Variants in CLCN7 observed in about 807,000 individuals in gnomAD.
The protein encoded by CLCN7 is Cl-/H+ antiporter 7.
CLCN7 carries 60 observed loss-of-function variants against 102.1 expected under a neutral mutation model. The observed-to-expected ratio is 0.59, with a 90% CI of 0.48 to 0.73. The LOEUF (loss-of-function observed/expected upper bound fraction) is 0.73, where lower values mean the gene tolerates loss of function less well. Ranked by LOEUF, CLCN7 falls within the 30% of genes least tolerant of loss-of-function variation. The pLI is 0.00. For synonymous variants in CLCN7, 560 were observed against 490.5 expected (o/e 1.14, Z -1.87); for missense variants, 962 against 1,125.7 (o/e 0.85, Z 2.08).
At chr16:1,468,650 G>A (rs1486979206) in intron 1 of CLCN7, among the ~76,000 whole-genome samples, 2 of 152,082 alleles carry the variant, frequency 1.3e-5, no homozygotes, top group Non-Finnish European at 2.9e-5. Flanking sequence ...CCCGAGAGGC[G>A]AGACTCGGGC....
intron 1 of CLCN7, among the ~76,000 whole-genome samples, chr16:1,468,151 G>A (rs146943549): frequency 6.6e-6 from 1 of 151,878 alleles, no homozygotes; most frequent in Non-Finnish European, 1.5e-5. Flanking sequence ...CGCCAGGCCT[G>A]GGAGGCCTTG....
At chr16:1,450,444 C>G in intron 17 of CLCN7, 53 bp downstream of exon 17, 1 of 1,529,014 alleles carries the variant, frequency 6.5e-7, no homozygotes, top group Non-Finnish European at 8.9e-7. Context: ...CGCGATGCCG[C>G]AAGACCTGGC....
At chr16:1,455,383 G>C in intron 11 of CLCN7, 133 bp from the exon 12 acceptor site, 3 of 764,484 alleles carry the variant, frequency 3.9e-6, no homozygotes, top group Non-Finnish European at 7.1e-6. Context: ...AAGGCAGAAG[G>C]GAAGGGGCTG....
intron 15 of CLCN7, 33 bp from the exon 16 acceptor site, chr16:1,451,749 G>A (rs753288093): frequency 6.4e-7 from 1 of 1,572,720 alleles, no homozygotes; most frequent in Non-Finnish European, 8.7e-7. Context: ...ACGTTGGGAG[G>A]GGAGATGAGC....
chr16:1,474,910 G>A lies in CLCN7; in HGVS notation c.65C>T (p.Pro22Leu), dbSNP rs1489757147. Residue 22 changes from proline (P) to leucine (L), a missense_variant, in exon 1 of 25, where the codon CCG becomes CTG. Pro to Leu is a moderately conservative substitution (Grantham distance 98). Coordinates refer to ENST00000382745, the MANE Select transcript of CLCN7 (RefSeq NM_001287.6). ...GGGCCGCGCCGTCCTCCGCAGCAGC[G>A]GCGCCGCCTCCTCGTCGTCCCGGTC... ...GRDRDDEEAA[P>L]LLRRTARPGG... 6.8e-7 allele frequency: 1 copy of A among 1,467,020 alleles called. No individual in the cohort carries two copies. Among genetic ancestry groups the A allele is most frequent in the Non-Finnish European group, 9.0e-7 (1 of 1,112,900 alleles). 90.9% of individuals were successfully genotyped at this position (1,467,020 alleles called of 1,614,324 possible).
chr16:1,451,868 G>T, intron 15 of CLCN7, 152 bp from the exon 16 acceptor site: 1 of 666,802 alleles, frequency 1.5e-6, no homozygotes, highest in Non-Finnish European at 2.7e-6. Flanking sequence ...TCAGGGCCAC[G>T]GTCACAGAGG....
intron 23 of CLCN7, 109 bp downstream of exon 23, chr16:1,447,283 G>C (rs565895693): frequency 8.0e-7 from 1 of 1,257,036 alleles, no homozygotes; most frequent in African/African-American, 1.5e-5. Context: ...CAGAGTCACC[G>C]AGTCCTCTCC....
At chr16:1,465,807 G>A (rs1567275001) in intron 1 of CLCN7, among the ~76,000 whole-genome samples, 1 of 152,326 alleles carries the variant, frequency 6.6e-6, no homozygotes, top group South Asian at 2.1e-4. Flanking sequence ...TGTTCACGCT[G>A]CCCTCCCCAC....
In CLCN7 at chr16:1,452,894, C is replaced by G; in HGVS notation, c.1215-1G>C. The G allele has an allele frequency of 1.3e-6, 2 of 1,565,514 alleles. No homozygotes were observed. The highest frequency in any genetic ancestry group is 1.9e-5 in the Admixed American group (1 of 53,274). ...CTGCAGGCAGGGCCGGTGGATGTAC[C>G]TGGAACCAAGAATCAGGCTGCATGG... On this transcript the variant is annotated splice_acceptor_variant, in intron 14 of 24. Coordinates refer to ENST00000382745, the MANE Select transcript of CLCN7 (RefSeq NM_001287.6). LOFTEE classifies it high-confidence loss of function.
intron 17 of CLCN7, 184 bp from the exon 18 acceptor site, chr16:1,449,511 G>A: frequency 1.6e-6 from 1 of 630,190 alleles, no homozygotes. Flanking sequence ...TGCATCCTTG[G>A]CCTGAACCAG....
rs1029691417 is a variant in CLCN7, at chr16:1,450,721, G to C, written c.1448-55C>G. 160 of 1,220,014 alleles carry C rather than the reference G, an allele frequency of 1.3e-4. 16 individuals carry two copies. The highest frequency in any genetic ancestry group is 1.8e-4 in the Non-Finnish European group (156 of 886,986). The allele number at this position is 1,220,014 out of a possible 1,614,324, so 75.6% of individuals were successfully genotyped here. The stretch of plus-strand genomic sequence containing the variant: ...CCACGACTCCCGCCTCCGCAGGACT[G>C]CCCTGCCCCGCTGCCCAGTCTCGGG... On this transcript the variant is annotated intron_variant, in intron 16 of 24. Coordinates refer to ENST00000382745, the MANE Select transcript of CLCN7 (RefSeq NM_001287.6).
chr16:1,467,198 C>A (rs1380287262), intron 1 of CLCN7, among the ~76,000 whole-genome samples: 1 of 152,038 alleles, frequency 6.6e-6, no homozygotes, highest in African/African-American at 2.4e-5. Context: ...AGAGGCCAGA[C>A]AGACAGACAG....
At chr16:1,469,982 C>T (rs2039054879) in intron 1 of CLCN7, among the ~76,000 whole-genome samples, 1 of 152,248 alleles carries the variant, frequency 6.6e-6, no homozygotes, top group Admixed American at 6.5e-5. Context: ...CGCAGGTCCA[C>T]TCGCAAGAGG....
chr16:1,461,253 T>C (rs1189218991), intron 4 of CLCN7, 152 bp downstream of exon 4: 1 of 777,490 alleles, frequency 1.3e-6, no homozygotes, highest in South Asian at 1.6e-5. Context: ...TCCCACTGTC[T>C]CTAGAAACCA....
rs757823095 is a variant in CLCN7, at chr16:1,457,674, G to A, written c.738+20C>T. 9.3e-6 allele frequency: 15 copies of A among 1,612,756 alleles called. No individual in the cohort carries two copies. The Admixed American group carries it at 1.0e-4, about 11-fold the overall frequency. On this transcript the variant is annotated intron_variant, in intron 8 of 24. Coordinates refer to ENST00000382745, the MANE Select transcript of CLCN7 (RefSeq NM_001287.6). This position sits in a 1 kb window ranked among gnomAD's most constrained non-coding sequence, Gnocchi z 5.4. Reference sequence around the variant, plus strand: ...GGCGGCCTCAGGCTCCAGCTGGAGTGGCCATGTGCACTTTGTTACCTTTCC... The same window carrying A: ...GGCGGCCTCAGGCTCCAGCTGGAGTAGCCATGTGCACTTTGTTACCTTTCC...
At chr16:1,452,077 C>T (rs1186080523) in intron 15 of CLCN7, 5 of 336,356 alleles carry the variant, frequency 1.5e-5, no homozygotes, top group East Asian at 7.5e-5. Flanking sequence ...GTTGGCGCCC[C>T]GGTGCCACAG....
At chr16:1,447,169 C>T in intron 23 of CLCN7, 83 bp from the exon 24 acceptor site, 1 of 1,364,494 alleles carries the variant, frequency 7.3e-7, no homozygotes, top group Non-Finnish European at 1.0e-6. Context: ...CCCTGCACCC[C>T]CCACCACGGC....
intron 14 of CLCN7, among the ~76,000 whole-genome samples, chr16:1,453,304 C>T (rs757851025): frequency 4.0e-4 from 61 of 152,190 alleles, no homozygotes; most frequent in Non-Finnish European, 5.9e-4. Context: ...TGAGGCACCG[C>T]GCCCGGCCAG....
At chr16:1,471,256 G>A (rs1405658940) in intron 1 of CLCN7, among the ~76,000 whole-genome samples, 1 of 152,190 alleles carries the variant, frequency 6.6e-6, no homozygotes, top group Non-Finnish European at 1.5e-5. Context: ...CCACGCTGAG[G>A]TGGCAACGAC....
Sources: allele counts gnomAD v4.1 joint callset (sites outside exome capture counted in the v4.1 genomes callset), GRCh38; gene constraint gnomAD v4.1.1; non-coding constraint Gnocchi (gnomAD v3.1); transcripts MANE v1.5; gene names NCBI Gene and HGNC (gene_info 2026-07-23, HGNC 2026-07-21).